Variants in LMO7 observed in about 807,000 individuals in gnomAD.
The protein encoded by LMO7 is LIM domain only protein 7.
LMO7 carries 120 observed loss-of-function variants against 206.5 expected under a neutral mutation model. The observed-to-expected ratio is 0.58, with a 90% confidence interval of 0.50 to 0.68. The LOEUF is 0.68. Ranked by LOEUF, LMO7 falls within the 30% of genes least tolerant of loss-of-function variation. The probability of loss-of-function intolerance (pLI) is 0.00; values close to 1 mark genes in which losing one functional copy is unlikely to be tolerated. For missense variants in LMO7, 1,959 were observed against 1,957.9 expected, an observed-to-expected ratio of 1.00 and a Z score of -0.01; for synonymous variants, 706 against 681.5, an observed-to-expected ratio of 1.04 and a Z score of -0.56.
chr13:75,742,983 G>A (rs2046533575), intron 3 of LMO7, among the ~76,000 whole-genome samples: 2 of 152,096 alleles, frequency 1.3e-5, no homozygotes, highest in East Asian at 1.9e-4. Flanking sequence ...ATCTGACAAA[G>A]ATCTAATATT....
rs577942396 is a variant in LMO7, at chr13:75,804,390, G to T, written c.763G>T (p.Ala255Ser). The T allele has an allele frequency of 6.2e-7, 1 of 1,614,182 alleles. No individual in the cohort carries two copies. Among genetic ancestry groups the T allele is most frequent in the East Asian group, 2.2e-5 (1 of 44,882 alleles). The change falls in exon 8 of 31, where the codon GCG becomes TCG. Residue 255 changes from alanine (A) to serine (S), a missense_variant. Physicochemically the swap from Ala to Ser is moderately conservative, Grantham distance 99. Coordinates refer to ENST00000377534, the MANE Select transcript of LMO7 (RefSeq NM_001306080.2). ...GATTTCGGCTGTTGAGCCAAAGACT[G>T]CGTTACCCTTCAATCGTTTTTTACC... The part of the protein sequence containing the change: ...RRISAVEPKT[A>S]LPFNRFLPNK...
At chr13:75,648,752 AATCT>A (rs2037282854) in intron 1 of LMO7, among the ~76,000 whole-genome samples, 1 of 152,220 alleles carries the variant, frequency 6.6e-6, no homozygotes. Flanking sequence ...AGCACTTGTC[AATCT>A]ATCAAAAGCA....
At chr13:75,746,709 T>G (rs1219251277) in intron 3 of LMO7, among the ~76,000 whole-genome samples, 1 of 152,154 alleles carries the variant, frequency 6.6e-6, no homozygotes, top group Non-Finnish European at 1.5e-5. Flanking sequence ...TTATGTTCAT[T>G]TTATTTATTT....
At position 75,852,203 on chromosome 13, in the gene LMO7, G is replaced by T. The variant is rs182536924; in HGVS notation, c.4365-889G>T. ...TCTTAGTGTATTTCTTCTGTGGTTG[G>T]TATTTATTGTTTTACCTAAGCACTG... On this transcript the variant is annotated intron_variant, in intron 27 of 30. Transcript: ENST00000377534. Among the ~76,000 whole-genome samples the T allele has an allele frequency of 2.4e-3, 371 of 152,168 alleles. 3 individuals are homozygous for T. Among genetic ancestry groups the T allele is most frequent in the Non-Finnish European group, 4.2e-3 (285 of 67,994 alleles).
At chr13:75,806,348 C>T in intron 9 of LMO7, 4 of 622,930 alleles carry the variant, frequency 6.4e-6, no homozygotes, top group Non-Finnish European at 8.0e-6. Flanking sequence ...AGCCTGGGAC[C>T]TGATTGCACT....
At chr13:75,837,240 T>G (rs1566583666) in intron 19 of LMO7, among the ~76,000 whole-genome samples, 1 of 152,236 alleles carries the variant, frequency 6.6e-6, no homozygotes, top group Non-Finnish European at 1.5e-5. Flanking sequence ...ATTTTGTATT[T>G]CATTTCTGAT....
chr13:75,790,364 A>C (rs2053099372), intron 4 of LMO7, among the ~76,000 whole-genome samples: 1 of 152,086 alleles, frequency 6.6e-6, no homozygotes, highest in East Asian at 1.9e-4. Flanking sequence ...TGTTGTTCCC[A>C]TTTTACAGGT....
At chr13:75,737,799 A>AAC (rs1266862404) in intron 3 of LMO7, among the ~76,000 whole-genome samples, 10 of 121,394 alleles carry the variant, frequency 8.2e-5, no homozygotes, top group East Asian at 2.2e-4. Context: ...AAAAAAAAAA[A>AAC]AACTTTTTAC....
intron 4 of LMO7, among the ~76,000 whole-genome samples, chr13:75,778,317 C>T (rs1321522691): frequency 6.6e-6 from 1 of 152,092 alleles, no homozygotes; most frequent in East Asian, 1.9e-4. Context: ...ACTGCAACCT[C>T]CGCCTCCCAG....
Position 75,821,206 on chromosome 13 carries a change from C to G in LMO7, c.2237C>G (p.Pro746Arg). 1 of 1,609,910 alleles carries G rather than the reference C, an allele frequency of 6.2e-7. No homozygotes were observed. Among genetic ancestry groups the G allele is most frequent in the Non-Finnish European group, 8.5e-7 (1 of 1,178,658 alleles). The change falls in exon 14 of 31, where the codon CCG becomes CGG. Residue 746 changes from proline (P) to arginine (R), a missense_variant. By Grantham distance (103) the Pro-to-Arg change is moderately radical. Transcript: ENST00000377534. ...TCCCAAAATCAAAAGTCTACAGTTCCGTCAAGAAGGAGAATGTATTCTTTT... is the reference window on the plus strand; with the variant it reads ...TCCCAAAATCAAAAGTCTACAGTTCGGTCAAGAAGGAGAATGTATTCTTTT... The part of the protein sequence containing the change: ...RESQNQKSTV[P>R]SRRRMYSFDD...
At chr13:75,757,946 T>C (rs998324662) in intron 3 of LMO7, among the ~76,000 whole-genome samples, 1 of 152,124 alleles carries the variant, frequency 6.6e-6, no homozygotes, top group Non-Finnish European at 1.5e-5. Context: ...AGTTGGGTAA[T>C]GAAATATTTG....
chr13:75,817,458 A>G (rs1318931849), intron 12 of LMO7, among the ~76,000 whole-genome samples, 180 bp downstream of exon 12: 1 of 151,984 alleles, frequency 6.6e-6, no homozygotes, highest in African/African-American at 2.4e-5. Context: ...ATTATTGCAT[A>G]TTTTAAAGGC....
intron 1 of LMO7, among the ~76,000 whole-genome samples, chr13:75,650,154 G>A (rs1040298426): frequency 1.3e-5 from 2 of 150,288 alleles, no homozygotes; most frequent in African/African-American, 4.9e-5. Context: ...TTTTTGAGAT[G>A]GAGTCTCGCT....
rs575657795 is a variant in LMO7 at position 75,630,952 on chromosome 13, G to A, written c.225+7632G>A. 3.3e-5 allele frequency among the ~76,000 whole-genome samples: 5 copies of A among 151,958 alleles called. 1 individual carries two copies. Among genetic ancestry groups the A allele is most frequent in the African/African-American group, 1.2e-4 (5 of 41,468 alleles). On this transcript the variant is annotated intron_variant, in intron 2 of 29. Transcript: ENST00000341547. ...ATTACAGGCGTGAGCCACCGTGCCTGGCCTGCCTTTTTTCACTTTGCAATA... is the reference window on the plus strand; with the variant it reads ...ATTACAGGCGTGAGCCACCGTGCCTAGCCTGCCTTTTTTCACTTTGCAATA...
intron 5 of LMO7, 79 bp downstream of exon 5, chr13:75,795,510 GTA>G (rs775009632): frequency 1.0e-6 from 1 of 955,100 alleles, no homozygotes; most frequent in Non-Finnish European, 1.6e-6. Flanking sequence ...GAATCTAAAA[GTA>G]TACTCTACAT....
At chr13:75,709,299 T>C (rs2042895855) in intron 1 of LMO7, among the ~76,000 whole-genome samples, 1 of 152,232 alleles carries the variant, frequency 6.6e-6, no homozygotes, top group African/African-American at 2.4e-5. Flanking sequence ...TTATAATCCT[T>C]TGGGTATATA....
At chr13:75,834,436 C>T (rs946270145) in intron 17 of LMO7, 49 bp downstream of exon 17, 21 of 1,384,378 alleles carry the variant, frequency 1.5e-5, no homozygotes, top group African/African-American at 4.4e-5. Context: ...GGGACCTGGC[C>T]GTTGGCAAGT....
At chr13:75,835,573 T>A (rs1442510532) in intron 18 of LMO7, among the ~76,000 whole-genome samples, 1 of 152,178 alleles carries the variant, frequency 6.6e-6, no homozygotes, top group Non-Finnish European at 1.5e-5. Flanking sequence ...AAAGACCCCA[T>A]AATGTTGTTT....
chr13:75,717,378 A>AC (rs1182899510), intron 2 of LMO7, among the ~76,000 whole-genome samples: 11 of 150,350 alleles, frequency 7.3e-5, no homozygotes, highest in African/African-American at 1.7e-4. Flanking sequence ...AAAAAAAAAA[A>AC]AAACACACAA....
Sources: gnomAD v4.1 joint callset for allele counts (sites outside exome capture counted in the v4.1 genomes callset) on GRCh38, gnomAD v4.1.1 for gene constraint, MANE v1.5 for transcripts, NCBI Gene and HGNC (gene_info 2026-07-23, HGNC 2026-07-21) for gene names.